Variants in CFAP45 observed in about 807,000 individuals in gnomAD.
CFAP45 encodes cilia and flagella associated protein 45.
A neutral mutation model predicts 75.6 loss-of-function variants in CFAP45; 43 were observed. The ratio of observed to expected loss-of-function variants is 0.57; its 90% confidence interval spans 0.45 to 0.73. The LOEUF (loss-of-function observed/expected upper bound fraction) is 0.73, where lower values mean the gene tolerates loss of function less well. CFAP45 is among the 30% of genes least tolerant of loss of function. The pLI is 0.00. For synonymous variants in CFAP45, 223 were observed against 244.6 expected, an observed-to-expected ratio of 0.91 and a Z score of 0.82; for missense variants, 689 against 701.5, an observed-to-expected ratio of 0.98 and a Z score of 0.20.
In CFAP45 at chr1:159,880,682, G is replaced by T; in HGVS notation, c.916C>A (p.Gln306Lys). Reference protein sequence around the residue: ...EDLKDMERRQQQKLKMQAEIK... With the variant: ...EDLKDMERRQKQKLKMQAEIK... ...TCAGCTTGCATCTTCAGTTTTTGTT[G>T]CTGCCTTCGTTCCATGTCCTGCCAG... Residue 306 changes from glutamine to lysine, a missense_variant, in exon 8 of 12, where the codon CAA (glutamine) becomes AAA (lysine). Transcript: ENST00000368099. The T allele has an allele frequency of 6.2e-7, 1 of 1,613,786 alleles. No homozygotes were observed. The highest frequency in any genetic ancestry group is 1.1e-5 in the South Asian group (1 of 91,000).
At chr1:159,898,815 A>G (rs1025886229) in intron 1 of CFAP45, among the ~76,000 whole-genome samples, 9 of 152,206 alleles carry the variant, frequency 5.9e-5, no homozygotes, top group African/African-American at 2.2e-4. Context: ...GGGACACTGA[A>G]TCAAATAGAA....
In CFAP45 at chr1:159,872,426, C is replaced by T. The variant is rs1298679826; in HGVS notation, c.*59G>A. On this transcript the variant is annotated 3_prime_UTR_variant, in exon 12 of 12. Coordinates refer to ENST00000368099, the MANE Select transcript of CFAP45 (RefSeq NM_012337.3). Reference sequence around the variant, plus strand: ...TCTAGGTTAGCAGCAATTATGGATGCCCAGAGACTGGGCAGAATCTGTCCC... The same window carrying T: ...TCTAGGTTAGCAGCAATTATGGATGTCCAGAGACTGGGCAGAATCTGTCCC... 4 of 1,300,152 alleles carry T rather than the reference C, an allele frequency of 3.1e-6. No homozygotes were observed. In the East Asian group the frequency reaches 6.9e-5, roughly 23 times the overall value. 80.5% of individuals were successfully genotyped at this position (1,300,152 alleles called of 1,614,324 possible). A position where few individuals can be genotyped will look rare whatever the true frequency, so the allele number is the denominator to read the frequency against.
intron 8 of CFAP45, 37 bp downstream of exon 8, chr1:159,880,517 C>T (rs1220141830): frequency 6.3e-7 from 1 of 1,596,838 alleles, no homozygotes; most frequent in Non-Finnish European, 8.6e-7. Flanking sequence ...ACAGACATTC[C>T]ATTCCTAACC....
At chr1:159,882,635 A>G (rs1226142698) in intron 7 of CFAP45, among the ~76,000 whole-genome samples, 3 of 152,162 alleles carry the variant, frequency 2.0e-5, no homozygotes, top group Non-Finnish European at 4.4e-5. Context: ...AAGTTGCCCA[A>G]TAATACTTCC....
chr1:159,894,683 A>C (rs1262426405), intron 1 of CFAP45, among the ~76,000 whole-genome samples: 2 of 152,178 alleles, frequency 1.3e-5, no homozygotes, highest in Non-Finnish European at 2.9e-5. Flanking sequence ...CCATCTAATG[A>C]GTTGTGGGAG....
At chr1:159,879,159 C>T (rs1316624256) in intron 8 of CFAP45, among the ~76,000 whole-genome samples, 1 of 152,188 alleles carries the variant, frequency 6.6e-6, no homozygotes, top group African/African-American at 2.4e-5. Flanking sequence ...ATGGCGACTC[C>T]TTATCATTCC....
intron 8 of CFAP45, among the ~76,000 whole-genome samples, chr1:159,880,184 A>T (rs1649517712): frequency 6.6e-6 from 1 of 152,192 alleles, no homozygotes; most frequent in African/African-American, 2.4e-5. Context: ...CAAGAAATTT[A>T]TGTAACCGCT....
At chr1:159,891,326 G>A (rs1283467235) in intron 2 of CFAP45, among the ~76,000 whole-genome samples, 2 of 152,098 alleles carry the variant, frequency 1.3e-5, no homozygotes, top group Non-Finnish European at 2.9e-5. Flanking sequence ...TTTGATATTG[G>A]TAATTTTAAA....
chr1:159,891,508 A>G (rs1649831183), intron 2 of CFAP45, among the ~76,000 whole-genome samples: 1 of 152,084 alleles, frequency 6.6e-6, no homozygotes, highest in South Asian at 2.1e-4. Context: ...AAGAACACAG[A>G]CTAACTGTGT....
chr1:159,873,340 C>T (rs998179575), intron 10 of CFAP45, 172 bp from the exon 11 acceptor site: 12 of 614,524 alleles, frequency 2.0e-5, no homozygotes, highest in Non-Finnish European at 2.9e-5. Flanking sequence ...AAAGCTGCTG[C>T]ACATGCATGC....
chr1:159,900,161 G>C lies in CFAP45; in HGVS notation c.-63C>G. 1.2e-6 allele frequency: 2 copies of C among 1,610,700 alleles called. No homozygotes were observed. The highest frequency in any genetic ancestry group is 1.7e-6 in the Non-Finnish European group (2 of 1,177,554). On this transcript the variant is annotated 5_prime_UTR_variant, in exon 1 of 12. Transcript: ENST00000368099. The stretch of plus-strand genomic sequence containing the variant: ...CCGCCTCGGCGCCGCCAAGGCCCTA[G>C]TGTTGACGCGTTACCTTGGCAACCA...
At position 159,888,466 on chromosome 1, in the gene CFAP45, G is replaced by A. The variant is rs1160477591; in HGVS notation, c.303C>T (p.Ser101=). 2.5e-6 allele frequency: 4 copies of A among 1,613,856 alleles called. No homozygotes were observed. In the African/African-American group the frequency reaches 5.3e-5, roughly 22 times the overall value. Residue 101 remains serine (S), a synonymous_variant, in exon 4 of 12, where the codon TCC becomes TCT. Coordinates refer to ENST00000368099, the MANE Select transcript of CFAP45 (RefSeq NM_012337.3). ...IVPTEDPSGE[S]LIISPEEFER... ...CAAACTCCTCAGGGCTGATGATTAG[G>A]GACTCCCCGGAGGGATCCTCTGTGG...
intron 7 of CFAP45, among the ~76,000 whole-genome samples, chr1:159,881,997 A>G (rs148953245): frequency 4.6e-5 from 7 of 152,286 alleles, no homozygotes; most frequent in Middle Eastern, 6.8e-3. Context: ...TGATTCATCT[A>G]ACCAAGGTAA....
In CFAP45 at chr1:159,872,515, A is replaced by G; in HGVS notation, c.1626T>C (p.Ala542=). 6.2e-7 allele frequency: 1 copy of G among 1,614,188 alleles called. No homozygotes were observed. The highest frequency in any genetic ancestry group is 8.5e-7 in the Non-Finnish European group (1 of 1,180,004). Residue 542 remains alanine, a synonymous_variant, in exon 12 of 12, where the codon GCT becomes GCC. Coordinates refer to ENST00000368099, the MANE Select transcript of CFAP45 (RefSeq NM_012337.3). Reference sequence around the variant, plus strand: ...TCACAGAGGTAGCTGGCAGGATGTTAGCTTTGCGCTCAGCTTCAATGCAGT... The same window carrying G: ...TCACAGAGGTAGCTGGCAGGATGTTGGCTTTGCGCTCAGCTTCAATGCAGT... ...EKYCIEAERK[A]NILPATSVN
rs760769998 is a variant in CFAP45, at chr1:159,890,502, G to A, written c.250C>T (p.Arg84Trp). 25 of 1,614,120 alleles carry A rather than the reference G, an allele frequency of 1.5e-5. No homozygotes were observed. The highest frequency in any genetic ancestry group is 3.3e-5 in the South Asian group (3 of 91,082). The change falls in exon 3 of 12, where the codon CGG becomes TGG. Residue 84 changes from arginine to tryptophan, a missense_variant. Transcript: ENST00000368099. ...RKPETIQLIT[R>W]DMVRELIVPT... ...CACATGAGTTCTCGGACCATGTCCCGGGTGATGAGCTGGATGGTCTCTGGC... is the reference window on the plus strand; with the variant it reads ...CACATGAGTTCTCGGACCATGTCCCAGGTGATGAGCTGGATGGTCTCTGGC...
At chr1:159,891,109 C>T (rs559445919) in intron 2 of CFAP45, among the ~76,000 whole-genome samples, 1 of 152,254 alleles carries the variant, frequency 6.6e-6, no homozygotes, top group Admixed American at 6.5e-5. Flanking sequence ...AGATATTCCT[C>T]GCAGAATGGT....
chr1:159,880,510 G>C (rs370640627), intron 8 of CFAP45, 44 bp downstream of exon 8: 23 of 1,580,966 alleles, frequency 1.5e-5, no homozygotes, highest in Admixed American at 5.3e-5. Context: ...CCCTGTGACA[G>C]ACATTCCATT....
In CFAP45 at chr1:159,876,646, C is replaced by T. The variant is rs1299748087; in HGVS notation, c.1262G>A (p.Arg421Gln). ...AGCCACCTGTTCGAGCCGACTTTTT[C>T]GCAGCTCAGCCTCTGTTTCCATCTT... is the stretch of plus-strand genomic sequence containing the variant. ...RKKMETEAEL[R>Q]KSRLEQVAFK... is the part of the protein sequence containing the mutation. The change falls in exon 10 of 12, where the codon CGA becomes CAA. Residue 421 changes from arginine (R) to glutamine (Q), a missense_variant. Arg to Gln is a conservative substitution (Grantham distance 43). Coordinates refer to ENST00000368099, the MANE Select transcript of CFAP45 (RefSeq NM_012337.3). 20 of 1,614,188 alleles carry T rather than the reference C, an allele frequency of 1.2e-5. No individual in the cohort carries two copies. The highest frequency in any genetic ancestry group is 1.7e-5 in the Non-Finnish European group (20 of 1,180,026).
intron 11 of CFAP45, 145 bp from the exon 12 acceptor site, chr1:159,872,708 T>A (rs529752380): frequency 1.2e-4 from 94 of 808,512 alleles, no homozygotes; most frequent in Non-Finnish European, 1.7e-4. Flanking sequence ...AAACACACAT[T>A]CATGCCAAGG....
Sources: allele counts gnomAD v4.1 joint callset (sites outside exome capture counted in the v4.1 genomes callset), GRCh38; gene constraint gnomAD v4.1.1; transcripts MANE v1.5; gene names NCBI Gene and HGNC (gene_info 2026-07-23, HGNC 2026-07-21).